TMEM232: variants seen among roughly 807,000 people sequenced by gnomAD.
TMEM232 encodes the protein transmembrane protein 232.
A neutral mutation model predicts 78.8 loss-of-function variants in TMEM232; 80 were observed. The ratio of observed to expected loss-of-function variants is 1.01; its 90% CI spans 0.85 to 1.22. TMEM232 has a LOEUF of 1.22. TMEM232 is among the 50% of genes most tolerant of loss of function. TMEM232 has a pLI of 0.00. For synonymous variants in TMEM232, 297 were observed against 254.3 expected, an observed-to-expected ratio of 1.17 and a Z score of -1.60; for missense variants, 881 against 742.2, an observed-to-expected ratio of 1.19 and a Z score of -2.17.
Position 110,420,527 on chromosome 5 carries a change from T to C in TMEM232, c.*53A>G, listed in dbSNP as rs2112605496. 6.2e-6 allele frequency: 7 copies of C among 1,121,324 alleles called. No homozygotes were observed. In the East Asian group the frequency reaches 1.8e-4, roughly 29 times the overall value. The allele number at this position is 1,121,324 out of a possible 1,614,324, so 69.5% of individuals were successfully genotyped here. On this transcript the variant is annotated 3_prime_UTR_variant, in exon 14 of 14. Transcript: ENST00000455884. ...AGCTATCTTGGTATTTTTCATCCTA[T>C]GTATTTCTGCCATGTAGTCCTCAAT...
intron 1 of TMEM232, among the ~76,000 whole-genome samples, chr5:110,716,798 T>A (rs2443513): frequency 2.0e-5 from 3 of 151,972 alleles, no homozygotes; most frequent in Non-Finnish European, 4.4e-5. Context: ...GAAACAGTTC[T>A]GTACTGGTGC....
At chr5:110,506,085 T>C (rs1766861312) in intron 12 of TMEM232, among the ~76,000 whole-genome samples, 1 of 152,186 alleles carries the variant, frequency 6.6e-6, no homozygotes, top group South Asian at 2.1e-4. Context: ...CATAACTCTC[T>C]AAGTTTTCTT....
intron 2 of TMEM232, among the ~76,000 whole-genome samples, chr5:110,644,925 T>G (rs562295704): frequency 6.6e-6 from 1 of 151,446 alleles, no homozygotes; most frequent in Admixed American, 6.6e-5. Context: ...AACAGATGCC[T>G]CAGAAACATA....
At chr5:110,485,846 T>C (rs1035136234) in intron 12 of TMEM232, among the ~76,000 whole-genome samples, 8 of 151,594 alleles carry the variant, frequency 5.3e-5, no homozygotes, top group African/African-American at 1.7e-4. Flanking sequence ...GGTGAGATTG[T>C]TGGATCAAAT....
chr5:110,527,614 A>T (rs1770782928), intron 12 of TMEM232, among the ~76,000 whole-genome samples: 1 of 151,954 alleles, frequency 6.6e-6, no homozygotes, highest in African/African-American at 2.4e-5. Flanking sequence ...AGCCAATCAG[A>T]TGTAATGTAT....
chr5:110,490,798 T>A (rs1765002641), intron 12 of TMEM232, among the ~76,000 whole-genome samples: 2 of 152,100 alleles, frequency 1.3e-5, no homozygotes, highest in African/African-American at 4.8e-5. Flanking sequence ...TGTGGACTCT[T>A]ATCTCACATC....
At chr5:110,673,561 T>TA (rs1057342822) in intron 1 of TMEM232, among the ~76,000 whole-genome samples, 4 of 152,140 alleles carry the variant, frequency 2.6e-5, no homozygotes, top group African/African-American at 9.7e-5. Context: ...AAAACTGATG[T>TA]AAAAACATTT....
intron 2 of TMEM232, among the ~76,000 whole-genome samples, chr5:110,402,389 A>C (rs1755633213): frequency 6.6e-6 from 1 of 152,154 alleles, no homozygotes; most frequent in African/African-American, 2.4e-5. Context: ...TATTAAAATA[A>C]ATGTGTATAT....
intron 2 of TMEM232, among the ~76,000 whole-genome samples, chr5:110,650,913 G>A (rs1169971283): frequency 1.3e-5 from 2 of 152,034 alleles, no homozygotes; most frequent in African/African-American, 4.8e-5. Flanking sequence ...GCAGGGTATA[G>A]GGAAACTCTC....
chr5:110,404,784 G>T (rs891506440), intron 2 of TMEM232, among the ~76,000 whole-genome samples: 1 of 152,060 alleles, frequency 6.6e-6, no homozygotes, highest in Non-Finnish European at 1.5e-5. Context: ...CCTAGTTAGA[G>T]TACCATGGCA....
intron 10 of TMEM232, among the ~76,000 whole-genome samples, chr5:110,580,873 T>C (rs773054002): frequency 5.9e-5 from 9 of 151,362 alleles, no homozygotes; most frequent in Non-Finnish European, 1.2e-4. Flanking sequence ...TACCAACTAA[T>C]AGTGGATGAG....
intron 2 of TMEM232, among the ~76,000 whole-genome samples, chr5:110,404,816 C>T (rs1755726756): frequency 6.6e-6 from 1 of 152,028 alleles, no homozygotes; most frequent in African/African-American, 2.4e-5. Context: ...TAGGGAACAG[C>T]TCCTGGTCTG....
At position 110,665,060 on chromosome 5, in the gene TMEM232, T is replaced by G. The variant is rs552297091; in HGVS notation, c.125+2168A>C. ...AGGTTGGGACTTCAACATATGAATTTTGCAGGGACACTCACATTCAGCCCA... is the reference window on the plus strand; with the variant it reads ...AGGTTGGGACTTCAACATATGAATTGTGCAGGGACACTCACATTCAGCCCA... On this transcript the variant is annotated intron_variant, in intron 2 of 13. Transcript: ENST00000455884. Among the ~76,000 whole-genome samples, 11 of 152,328 alleles carry G rather than the reference T, an allele frequency of 7.2e-5. No homozygotes were observed. In the South Asian group the frequency reaches 2.3e-3, roughly 32 times the overall value.
At chr5:110,416,502 A>G (rs1441212658), downstream of TMEM232, among the ~76,000 whole-genome samples, 2 of 152,236 alleles carry the variant, frequency 1.3e-5, no homozygotes, top group Non-Finnish European at 2.9e-5. Context: ...TGGCAGACAC[A>G]AAGTGAAAAC....
chr5:110,547,021 T>C (rs1223960116), intron 11 of TMEM232, among the ~76,000 whole-genome samples: 1 of 152,078 alleles, frequency 6.6e-6, no homozygotes, highest in African/African-American at 2.4e-5. Flanking sequence ...AAGTTTTACT[T>C]GTAAAATTAA....
chr5:110,713,240 C>G lies in TMEM232; in HGVS notation c.-13+13387G>C, dbSNP rs578051517. ...GGAGATAGTACAAGGATTGTTAGTA[C>G]AGGCTGGGAAAGGTGGTAAGTGGTG... On this transcript the variant is annotated intron_variant, in intron 1 of 13. Transcript: ENST00000455884. 6.6e-5 allele frequency among the ~76,000 whole-genome samples: 10 copies of G among 152,066 alleles called. 1 individual carries two copies. The South Asian group carries it at 2.1e-3, about 32-fold the overall frequency.
intron 2 of TMEM232, among the ~76,000 whole-genome samples, chr5:110,646,639 T>C (rs759865252): frequency 1.3e-5 from 2 of 151,764 alleles, no homozygotes; most frequent in African/African-American, 2.4e-5. Flanking sequence ...ATATTGGTCT[T>C]CGCAATAATT....
At chr5:110,544,631 C>A (rs566347227) in intron 11 of TMEM232, among the ~76,000 whole-genome samples, 2 of 152,240 alleles carry the variant, frequency 1.3e-5, no homozygotes, top group Admixed American at 1.3e-4. Flanking sequence ...AGTCTCTCTC[C>A]TTTTTAACAT....
intron 1 of TMEM232, among the ~76,000 whole-genome samples, chr5:110,714,519 T>C (rs913908515): frequency 6.6e-6 from 1 of 152,176 alleles, no homozygotes; most frequent in Admixed American, 6.6e-5. Context: ...TCCTTGAAAT[T>C]GGCTTAGAAT....
Sources: gnomAD v4.1 joint callset for allele counts (sites outside exome capture counted in the v4.1 genomes callset) on GRCh38, gnomAD v4.1.1 for gene constraint, MANE v1.5 for transcripts, NCBI Gene and HGNC (gene_info 2026-07-23, HGNC 2026-07-21) for gene names.